Variants in APP observed in about 807,000 individuals in gnomAD.
APP encodes the protein amyloid-beta precursor protein.
In APP, 31 loss-of-function variants were observed where a neutral mutation model predicts 101.4. The observed-to-expected ratio is 0.31, with a 90% CI of 0.23 to 0.41. The LOEUF (loss-of-function observed/expected upper bound fraction) is 0.41, where lower values mean the gene tolerates loss of function less well. Among genes scored for constraint, APP ranks in the 10% least tolerant of loss-of-function variants. The pLI, the probability that APP is intolerant of heterozygous loss-of-function variation, is 1.00. For missense variants in APP, 839 were observed against 1,003.7 expected (o/e 0.84, Z 2.22); for synonymous variants, 366 against 364.4 (o/e 1.00, Z -0.05).
intron 1 of APP, among the ~76,000 whole-genome samples, chr21:26,119,138 AGT>A (rs1291648607): frequency 3.3e-5 from 5 of 152,172 alleles, no homozygotes; most frequent in African/African-American, 4.8e-5. Context: ...TCTACTCAAG[AGT>A]GTTATTCCAA....
intron 3 of APP, among the ~76,000 whole-genome samples, chr21:26,060,833 G>A (rs1018225795): frequency 6.6e-6 from 1 of 152,206 alleles, no homozygotes; most frequent in African/African-American, 2.4e-5. Context: ...AGAAGAACAA[G>A]GAGATCAGTG....
chr21:25,896,448 A>AAC (rs2038054112), intron 16 of APP, among the ~76,000 whole-genome samples: 4 of 152,216 alleles, frequency 2.6e-5, no homozygotes, highest in African/African-American at 9.6e-5. Flanking sequence ...AACAAAACAA[A>AAC]AGAAGTGCCT....
chr21:26,015,305 A>AGTTACT (rs1217825314), intron 6 of APP, among the ~76,000 whole-genome samples: 3 of 152,226 alleles, frequency 2.0e-5, no homozygotes, highest in Non-Finnish European at 4.4e-5. Context: ...TTAATTGAGC[A>AGTTACT]GTTACTGTAT....
chr21:26,081,791 G>A (rs1337607269), intron 3 of APP, among the ~76,000 whole-genome samples: 1 of 152,044 alleles, frequency 6.6e-6, no homozygotes, highest in Non-Finnish European at 1.5e-5. Flanking sequence ...TTTTTCTCTA[G>A]GTATTTTGGG....
At chr21:26,066,774 G>A (rs954987870) in intron 3 of APP, among the ~76,000 whole-genome samples, 1 of 151,990 alleles carries the variant, frequency 6.6e-6, no homozygotes, top group Admixed American at 6.6e-5. Context: ...CTCCTGGTTC[G>A]CCTTTTGTTT....
rs527608148 is a variant in APP, at chr21:25,977,523, A to G, written c.1225-1495T>C. ...AGAGGCTTGGAATAAATAACTATAG[A>G]TAGAAGACTTCTATGAGACAATACT... On this transcript the variant is annotated intron_variant, in intron 9 of 17. Coordinates refer to ENST00000346798, the MANE Select transcript of APP (RefSeq NM_000484.4). Among the ~76,000 whole-genome samples the G allele has an allele frequency of 2.0e-5, 3 of 152,326 alleles. No individual in the cohort carries two copies. The South Asian group carries it at 6.2e-4, about 32-fold the overall frequency.
intron 5 of APP, among the ~76,000 whole-genome samples, chr21:26,044,372 G>A (rs994494651): frequency 6.6e-6 from 1 of 152,108 alleles, no homozygotes; most frequent in African/African-American, 2.4e-5. Flanking sequence ...TCCACATATT[G>A]GCAAATAGGA....
chr21:25,926,418 CA>C (rs2039899850), intron 13 of APP, among the ~76,000 whole-genome samples: 1 of 152,196 alleles, frequency 6.6e-6, no homozygotes, highest in South Asian at 2.1e-4. Flanking sequence ...ATATATGCTA[CA>C]GCCATCTGCG....
intron 13 of APP, among the ~76,000 whole-genome samples, chr21:25,920,609 CA>C (rs2039583563): frequency 6.6e-6 from 1 of 151,814 alleles, no homozygotes; most frequent in Non-Finnish European, 1.5e-5. Flanking sequence ...GTTAAACCAA[CA>C]AAGATCAAAA....
intron 17 of APP, among the ~76,000 whole-genome samples, chr21:25,885,044 GAGA>G (rs1299725692): frequency 3.3e-5 from 5 of 152,256 alleles, no homozygotes; most frequent in African/African-American, 1.2e-4. Context: ...TTTTGCCACT[GAGA>G]GGACAGCTAC....
At chr21:26,095,137 C>A (rs2061913331) in intron 2 of APP, among the ~76,000 whole-genome samples, 2 of 152,172 alleles carry the variant, frequency 1.3e-5, no homozygotes, top group Non-Finnish European at 2.9e-5. Flanking sequence ...AGCCACCGTG[C>A]CCGGCCTATA....
chr21:26,120,062 C>A (rs987742095), intron 1 of APP, among the ~76,000 whole-genome samples: 4 of 152,096 alleles, frequency 2.6e-5, no homozygotes, highest in Non-Finnish European at 5.9e-5. Flanking sequence ...TCAAATGTAG[C>A]CAAGCTAAGC....
chr21:26,061,561 T>C (rs1447258745), intron 3 of APP, among the ~76,000 whole-genome samples: 1 of 152,332 alleles, frequency 6.6e-6, no homozygotes, highest in East Asian at 1.9e-4. Flanking sequence ...AGCCAAACAT[T>C]TCTCAACAAA....
At chr21:26,141,729 A>G (rs2063050060) in intron 1 of APP, among the ~76,000 whole-genome samples, 1 of 152,128 alleles carries the variant, frequency 6.6e-6, no homozygotes, top group Non-Finnish European at 1.5e-5. Context: ...CCTCACAACA[A>G]CCCTAAGTTT....
At chr21:26,078,004 A>C (rs1336951504) in intron 3 of APP, among the ~76,000 whole-genome samples, 1 of 152,212 alleles carries the variant, frequency 6.6e-6, no homozygotes, top group Non-Finnish European at 1.5e-5. Context: ...TTGACACTGA[A>C]ATTAAAATAC....
intron 13 of APP, among the ~76,000 whole-genome samples, chr21:25,952,000 G>C (rs975824609): frequency 1.2e-4 from 18 of 151,956 alleles, no homozygotes; most frequent in South Asian, 6.2e-4. Context: ...TAGTGTACAG[G>C]GTTCGTTATT....
At chr21:26,065,256 T>A (rs916740419) in intron 3 of APP, among the ~76,000 whole-genome samples, 1 of 152,170 alleles carries the variant, frequency 6.6e-6, no homozygotes, top group Non-Finnish European at 1.5e-5. Flanking sequence ...CAGGTGCATC[T>A]ACCATACATA....
In APP at chr21:26,000,117, C is replaced by T. The variant is rs769757835; in HGVS notation, c.931G>A (p.Val311Met). ...AATGGGGCACACTTCCCTTCAGTCA[C>T]ATCAAAGTACCAGCGGGAGATCATT... The part of the protein sequence containing the change: ...RAMISRWYFD[V>M]TEGKCAPFFY... Residue 311 changes from valine to methionine, a missense_variant, in exon 7 of 18, where the codon GTG becomes ATG. Val to Met is a conservative substitution (Grantham distance 21, BLOSUM62 1). Transcript: ENST00000346798. 1 of 1,614,230 alleles carries T rather than the reference C, an allele frequency of 6.2e-7. No individual in the cohort carries two copies. Among genetic ancestry groups the T allele is most frequent in the South Asian group, 1.1e-5 (1 of 91,084 alleles).
chr21:25,884,622 T>C (rs2037205491), intron 17 of APP, among the ~76,000 whole-genome samples: 2 of 152,188 alleles, frequency 1.3e-5, no homozygotes, highest in South Asian at 2.1e-4. Context: ...TCTGCAGCAG[T>C]ACGCCATTTG....
Sources: allele counts gnomAD v4.1 joint callset (sites outside exome capture counted in the v4.1 genomes callset), GRCh38; gene constraint gnomAD v4.1.1; transcripts MANE v1.5; gene names NCBI Gene and HGNC (gene_info 2026-07-23, HGNC 2026-07-21).